The following PDE4DIP variants were observed in gnomAD, a reference collection of about 807,000 sequenced individuals.
The protein encoded by PDE4DIP is myomegalin.
Under a neutral mutation model 221.4 loss-of-function variants are expected in PDE4DIP, and 59 were observed. The observed-to-expected ratio is 0.27, with a 90% CI of 0.22 to 0.33. PDE4DIP has a LOEUF of 0.33. PDE4DIP is among the 10% of genes least tolerant of loss of function. PDE4DIP has a pLI of 1.00. For missense variants in PDE4DIP, 1,036 were observed against 2,154.2 expected (o/e 0.48, Z 10.28); for synonymous variants, 404 against 815.9 (o/e 0.50, Z 8.60).
intron 2 of PDE4DIP, among the ~76,000 whole-genome samples, chr1:148,864,949 C>T (rs1378949158): frequency 7.4e-6 from 1 of 135,422 alleles, no homozygotes; most frequent in Non-Finnish European, 1.6e-5. Context: ...AAATCCAAGC[C>T]TCAAGGCATT....
chr1:148,949,571 G>A (rs1778096), intron 5 of PDE4DIP, among the ~76,000 whole-genome samples: 1 of 152,210 alleles, frequency 6.6e-6, no homozygotes, highest in African/African-American at 2.4e-5. Flanking sequence ...ATGTCCTTGT[G>A]TAGCCCCACC....
At chr1:148,951,409 G>A (rs1395951769) in intron 5 of PDE4DIP, among the ~76,000 whole-genome samples, 2 of 151,366 alleles carry the variant, frequency 1.3e-5, no homozygotes, top group Non-Finnish European at 2.9e-5. Context: ...TGCAATCTAA[G>A]TTTTGGACCC....
rs2075239368 is a variant in PDE4DIP, at chr1:149,026,566, G to A, written c.6326-149G>A. 4 of 558,580 alleles carry A rather than the reference G, an allele frequency of 7.2e-6. No homozygotes were observed. The South Asian group carries it at 1.1e-4, about 16-fold the overall frequency. 34.6% of individuals were successfully genotyped at this position (558,580 alleles called of 1,614,324 possible). A position where few individuals can be genotyped will look rare whatever the true frequency, so the allele number is the denominator to read the frequency against. On this transcript the variant is annotated intron_variant, in intron 38 of 43. Transcript: ENST00000369354. Reference sequence around the variant, plus strand: ...TGAACTCAGTGACTCATAGGCTTTTGATTTTGCTTTGGCTTGTGGGGTATG... The same window carrying A: ...TGAACTCAGTGACTCATAGGCTTTTAATTTTGCTTTGGCTTGTGGGGTATG...
At chr1:148,867,978 T>C (rs1663923) in intron 2 of PDE4DIP, among the ~76,000 whole-genome samples, 13,723 of 113,562 alleles carry the variant, frequency 0.12, 21 homozygotes, top group African/African-American at 0.14. Context: ...TCAGACAGCC[T>C]TGCTCACATG....
chr1:148,954,005 T>G (rs1553498832), intron 5 of PDE4DIP: 1 of 723,602 alleles, frequency 1.4e-6, no homozygotes, highest in Non-Finnish European at 2.4e-6. Flanking sequence ...ATTCTGGACT[T>G]GAGAAAATTA....
Position 149,016,291 on chromosome 1 carries a change from C to T in PDE4DIP, c.5267-8C>T. 3 of 1,613,784 alleles carry T rather than the reference C, an allele frequency of 1.9e-6. No individual in the cohort carries two copies. Among genetic ancestry groups the T allele is most frequent in the Non-Finnish European group, 2.5e-6 (3 of 1,179,846 alleles). On this transcript the variant is annotated splice_polypyrimidine_tract_variant and splice_region_variant and intron_variant, in intron 32 of 43. Transcript: ENST00000369354. ...ATTTGCTTCTTACTAATGTTTCTTT[C>T]TGCCCAGGTGCCAGCACTGTTCCTC...
chr1:148,952,731 A>AGCC (rs3839010), intron 5 of PDE4DIP: 15,156 of 1,307,440 alleles, frequency 0.012, 2 homozygotes, highest in African/African-American at 0.058. Flanking sequence ...GTCACCCAGT[A>AGCC]GCCGCCGCCG....
At chr1:148,953,972 C>T (rs1264200840) in intron 5 of PDE4DIP, 12 of 928,266 alleles carry the variant, frequency 1.3e-5, no homozygotes, top group Admixed American at 4.5e-5. Context: ...CACGTGATTT[C>T]GGTCTAGGTG....
At chr1:148,820,492 C>G (rs1315528457) in intron 1 of PDE4DIP, among the ~76,000 whole-genome samples, 2 of 144,630 alleles carry the variant, frequency 1.4e-5, no homozygotes, top group African/African-American at 5.2e-5. Context: ...CACTTGAACC[C>G]AGGAGGCGTA....
intron 3 of PDE4DIP, among the ~76,000 whole-genome samples, chr1:148,870,904 T>C (rs1440972067): frequency 6.9e-6 from 1 of 144,278 alleles, no homozygotes; most frequent in South Asian, 2.2e-4. Flanking sequence ...TTCTGTAAAG[T>C]TTAAAATATG....
chr1:148,941,389 T>A (rs2050496311), intron 5 of PDE4DIP, among the ~76,000 whole-genome samples: 1 of 107,626 alleles, frequency 9.3e-6, no homozygotes, highest in African/African-American at 4.1e-5. Context: ...CAAAAATAAG[T>A]ATTGGAGAAT....
At chr1:148,909,775 AG>A (rs1305421132) in intron 1 of PDE4DIP, among the ~76,000 whole-genome samples, 2 of 36,700 alleles carry the variant, frequency 5.4e-5, no homozygotes, top group Non-Finnish European at 9.6e-5. Context: ...CAAACTAAAA[AG>A]GTTAGAAAAT....
intron 5 of PDE4DIP, chr1:148,952,429 G>T (rs1350817450): frequency 8.3e-6 from 9 of 1,086,570 alleles, no homozygotes; most frequent in East Asian, 5.0e-5. Context: ...TGCTCCGGGA[G>T]CCCAGTCTGC....
chr1:149,032,451 C>T (rs1299270741), exon 44 of PDE4DIP: 17 of 396,354 alleles, frequency 4.3e-5, no homozygotes, highest in East Asian at 4.3e-4. Flanking sequence ...TACTGAGCAG[C>T]GGTGCCCTGC....
chr1:148,946,059 TCTC>T (rs1269924627), intron 5 of PDE4DIP, among the ~76,000 whole-genome samples: 1 of 151,878 alleles, frequency 6.6e-6, no homozygotes, highest in Non-Finnish European at 1.5e-5. Flanking sequence ...AATGTCACTC[TCTC>T]CTCTTCGCTG....
At chr1:149,009,096 TTTTTG>T (rs782041242) in intron 29 of PDE4DIP, among the ~76,000 whole-genome samples, 49 of 145,654 alleles carry the variant, frequency 3.4e-4, no homozygotes, top group Admixed American at 6.9e-4. Context: ...ACAGTGGTTT[TTTTTG>T]TTTTGTTTTG....
chr1:148,970,476 C>T (rs2059001531), intron 14 of PDE4DIP, among the ~76,000 whole-genome samples: 1 of 151,364 alleles, frequency 6.6e-6, no homozygotes, highest in Admixed American at 6.6e-5. Flanking sequence ...GGAGATTTTT[C>T]AACTCAAGAA....
At chr1:149,011,094 A>G (rs2068474376) in intron 31 of PDE4DIP, among the ~76,000 whole-genome samples, 1 of 152,134 alleles carries the variant, frequency 6.6e-6, no homozygotes. Context: ...ATGGATTGGC[A>G]GTCCTTGATA....
In PDE4DIP at chr1:148,963,748, C is replaced by CTTTTTTT. The variant is rs66921099; in HGVS notation, c.1194+1125_1194+1131dup. 8.4e-4 allele frequency among the ~76,000 whole-genome samples: 75 copies of CTTTTTTT among 89,152 alleles called. 2 individuals are homozygous for CTTTTTTT. In the East Asian group the frequency reaches 0.01, roughly 12 times the overall value. The allele number at this position is 89,152 out of a possible 152,430, so 58.5% of individuals were successfully genotyped here. ...TTCTTTCCTCTCTCTTTCTTTCCTT[C>CTTTTTTT]TTTTTTTTTTTTTTTTTTTTTTTGA... is the stretch of plus-strand genomic sequence containing the variant. On this transcript the variant is annotated intron_variant, in intron 9 of 43. Coordinates refer to ENST00000369354, the Ensembl canonical transcript of PDE4DIP.
Sources: gnomAD v4.1 joint callset for allele counts (sites outside exome capture counted in the v4.1 genomes callset) on GRCh38, gnomAD v4.1.1 for gene constraint, MANE v1.5 for transcripts, NCBI Gene and HGNC (gene_info 2026-07-23, HGNC 2026-07-21) for gene names.